COL5A1: variants seen among roughly 807,000 people sequenced by gnomAD.
The protein encoded by COL5A1 is collagen alpha-1(V) chain.
Under a neutral mutation model 263.7 loss-of-function variants are expected in COL5A1, and 16 were observed. That is an observed-to-expected ratio of 0.06 (90% CI 0.04 to 0.09). COL5A1 has a LOEUF of 0.09. Among genes scored for constraint, COL5A1 ranks in the 10% least tolerant of loss-of-function variants. COL5A1 has a pLI of 1.00. For missense variants in COL5A1, 2,036 were observed against 2,540.5 expected, an observed-to-expected ratio of 0.80 and a Z score of 4.27; for synonymous variants, 1,012 against 1,004.5, an observed-to-expected ratio of 1.01 and a Z score of -0.14.
intron 13 of COL5A1, among the ~76,000 whole-genome samples, chr9:134,751,166 G>T (rs1487840272): frequency 6.6e-6 from 1 of 151,260 alleles, no homozygotes; most frequent in Non-Finnish European, 1.5e-5. Flanking sequence ...CCGAGAGCGT[G>T]TCACTGTCCA....
intron 25 of COL5A1, among the ~76,000 whole-genome samples, chr9:134,769,576 G>A (rs975624613): frequency 2.0e-5 from 3 of 152,224 alleles, no homozygotes; most frequent in Admixed American, 2.0e-4. Flanking sequence ...CATTGACAGC[G>A]GGTGGACGTG....
Position 134,817,130 on chromosome 9 carries a change from C to T in COL5A1, c.4176+51C>T, listed in dbSNP as rs145817688. On this transcript the variant is annotated intron_variant, in intron 53 of 65. Coordinates refer to ENST00000371817, the MANE Select transcript of COL5A1 (RefSeq NM_000093.5). Reference sequence around the variant, plus strand: ...TGCTGTCAAATCCCTGCATGAAACACCCCCGCCCCTCCCCGTCACCTTTGC... The same window carrying T: ...TGCTGTCAAATCCCTGCATGAAACATCCCCGCCCCTCCCCGTCACCTTTGC... 8 of 1,509,330 alleles carry T rather than the reference C, an allele frequency of 5.3e-6. No homozygotes were observed. In the Admixed American group the frequency reaches 1.2e-4, roughly 22 times the overall value. The allele number at this position is 1,509,330 out of a possible 1,614,324, so 93.5% of individuals were successfully genotyped here.
At position 134,682,237 on chromosome 9, in the gene COL5A1, C is replaced by T. The variant is rs566305669; in HGVS notation, c.110-8675C>T. 8.5e-5 allele frequency among the ~76,000 whole-genome samples: 13 copies of T among 152,344 alleles called. No individual in the cohort carries two copies. The East Asian group carries it at 1.2e-3, about 14-fold the overall frequency. On this transcript the variant is annotated intron_variant, in intron 1 of 65. Coordinates refer to ENST00000371817, the MANE Select transcript of COL5A1 (RefSeq NM_000093.5). This position sits in a 1 kb window ranked among gnomAD's most constrained non-coding sequence, Gnocchi z 5.1. The stretch of plus-strand genomic sequence containing the variant: ...TGTCCCCAGAGCCGACAGCACTATT[C>T]GGCTGGGTGCCAGGGACCCAGCCTA...
At chr9:134,759,987 ACC>A (rs2132707242) in intron 18 of COL5A1, among the ~76,000 whole-genome samples, 1 of 82,618 alleles carries the variant, frequency 1.2e-5, no homozygotes, top group Admixed American at 1.5e-4. Context: ...ACACATGCAC[ACC>A]CACACACCCC....
intron 65 of COL5A1, among the ~76,000 whole-genome samples, chr9:134,840,832 A>G (rs1369523505): frequency 6.6e-6 from 1 of 152,128 alleles, no homozygotes; most frequent in Admixed American, 6.5e-5. Flanking sequence ...AATACCACTC[A>G]TGGGGTTCCA....
intron 5 of COL5A1, among the ~76,000 whole-genome samples, chr9:134,727,848 C>T (rs925457684): frequency 1.7e-4 from 26 of 152,178 alleles, no homozygotes; most frequent in African/African-American, 5.1e-4. Flanking sequence ...GAGTGGCAGC[C>T]GTGCCTGACA....
At chr9:134,771,663 T>C (rs1433403954) in intron 25 of COL5A1, among the ~76,000 whole-genome samples, 1 of 152,210 alleles carries the variant, frequency 6.6e-6, no homozygotes, top group Non-Finnish European at 1.5e-5. Context: ...AGAAAGAGTC[T>C]CAGATCAACG....
intron 4 of COL5A1, among the ~76,000 whole-genome samples, chr9:134,706,792 TC>T (rs1833850662): frequency 6.6e-6 from 1 of 151,958 alleles, no homozygotes; most frequent in Non-Finnish European, 1.5e-5. Context: ...GACCCTGGAG[TC>T]CCCTGGCCCA....
intron 26 of COL5A1, 76 bp from the exon 27 acceptor site, chr9:134,774,783 C>A (rs1836992935): frequency 4.7e-6 from 7 of 1,480,388 alleles, no homozygotes; most frequent in Middle Eastern, 1.8e-4. Context: ...GTATGCCGAA[C>A]TCTGGAGTTT....
At chr9:134,650,493 G>T (rs73556950) in intron 1 of COL5A1, among the ~76,000 whole-genome samples, 4,739 of 152,370 alleles carry the variant, frequency 0.031, 226 homozygotes, top group African/African-American at 0.1. Context: ...ACAGGTGAGC[G>T]ATAGGCGAGC....
chr9:134,834,703 C>T (rs1033337965), intron 64 of COL5A1, among the ~76,000 whole-genome samples: 2 of 152,080 alleles, frequency 1.3e-5, no homozygotes, highest in African/African-American at 4.8e-5. Flanking sequence ...GCACAGGTGC[C>T]GAGCCCTGAA....
intron 65 of COL5A1, among the ~76,000 whole-genome samples, chr9:134,837,812 T>C: frequency 6.6e-6 from 1 of 152,054 alleles, no homozygotes; most frequent in East Asian, 1.9e-4. Context: ...GAACCACCAA[T>C]ACAAGTGTTC....
chr9:134,707,894 A>G (rs4416898), intron 4 of COL5A1, among the ~76,000 whole-genome samples: 130,875 of 152,244 alleles, frequency 0.86, 56,467 homozygotes, highest in African/African-American at 0.9. Flanking sequence ...TTCCCGGCAC[A>G]CAGGCGGGCG....
chr9:134,664,606 A>G (rs1832302522), intron 1 of COL5A1, among the ~76,000 whole-genome samples: 1 of 152,214 alleles, frequency 6.6e-6, no homozygotes, highest in Non-Finnish European at 1.5e-5. Flanking sequence ...ACTCACAAGG[A>G]GAGAATGGAG....
chr9:134,816,095 T>G, intron 52 of COL5A1, 107 bp downstream of exon 52: 1 of 1,037,680 alleles, frequency 9.6e-7, no homozygotes, highest in Non-Finnish European at 1.5e-6. Flanking sequence ...CTAGTTGATA[T>G]TGATTCCTTT....
At chr9:134,689,249 G>T (rs1833186784) in intron 1 of COL5A1, among the ~76,000 whole-genome samples, 3 of 151,998 alleles carry the variant, frequency 2.0e-5, no homozygotes, top group African/African-American at 7.2e-5. Context: ...AACCTGCGTG[G>T]CCATCCCATC....
chr9:134,823,339 C>A, intron 60 of COL5A1, 77 bp from the exon 61 acceptor site: 1 of 1,517,514 alleles, frequency 6.6e-7, no homozygotes, highest in South Asian at 1.1e-5. Flanking sequence ...CTCCAGGGAC[C>A]ATTCTAGAGC....
At position 134,786,056 on chromosome 9, in the gene COL5A1, C is replaced by G; in HGVS notation, c.2646+8C>G. 6.2e-7 allele frequency: 1 copy of G among 1,610,852 alleles called. No homozygotes were observed. The highest frequency in any genetic ancestry group is 8.5e-7 in the Non-Finnish European group (1 of 1,178,488). ...GGAAGACAAGGACCAAAGGTAACTTCTGGCCGTGTTAGGTGTCCCGGGACA... is the reference window on the plus strand; with the variant it reads ...GGAAGACAAGGACCAAAGGTAACTTGTGGCCGTGTTAGGTGTCCCGGGACA... On this transcript the variant is annotated splice_region_variant and intron_variant, in intron 31 of 65. Coordinates refer to ENST00000371817, the MANE Select transcript of COL5A1 (RefSeq NM_000093.5).
chr9:134,798,082 G>C (rs1837978823), intron 36 of COL5A1, among the ~76,000 whole-genome samples: 1 of 152,212 alleles, frequency 6.6e-6, no homozygotes, highest in Admixed American at 6.5e-5. Flanking sequence ...ACAGACTTGG[G>C]TCCTGGCACC....
Sources: gnomAD v4.1 joint callset for allele counts (sites outside exome capture counted in the v4.1 genomes callset) on GRCh38, gnomAD v4.1.1 for gene constraint, Gnocchi (gnomAD v3.1) non-coding constraint, MANE v1.5 for transcripts, NCBI Gene and HGNC (gene_info 2026-07-23, HGNC 2026-07-21) for gene names.